Variants in GHR observed in about 807,000 individuals in gnomAD.
GHR encodes the protein GH receptor.
GHR carries 35 observed loss-of-function variants against 67.1 expected under a neutral mutation model. That is an observed-to-expected ratio of 0.52 (90% CI 0.40 to 0.69). The LOEUF is 0.69. Among genes scored for constraint, GHR ranks in the 30% least tolerant of loss-of-function variants. GHR has a pLI of 0.00. For synonymous variants in GHR, 272 were observed against 269.1 expected (o/e 1.01, Z -0.10); for missense variants, 792 against 764.6 (o/e 1.04, Z -0.42).
At chr5:42,530,271 GAA>G (rs993049553) in intron 1 of GHR, among the ~76,000 whole-genome samples, 1 of 152,028 alleles carries the variant, frequency 6.6e-6, no homozygotes, top group African/African-American at 2.4e-5. Flanking sequence ...AAAATTCTGA[GAA>G]AGAAGAAAAA....
chr5:42,627,781 G>T (rs942681215), intron 2 of GHR, among the ~76,000 whole-genome samples: 3 of 152,216 alleles, frequency 2.0e-5, no homozygotes, highest in Admixed American at 6.5e-5. Flanking sequence ...TTTCAGCTTT[G>T]CAGTCCACGG....
chr5:42,541,025 T>G (rs1043312156), intron 1 of GHR, among the ~76,000 whole-genome samples: 3 of 151,736 alleles, frequency 2.0e-5, no homozygotes, highest in Non-Finnish European at 4.4e-5. Context: ...ACAAGCAATA[T>G]CTAGTTGAAT....
chr5:42,496,891 A>G (rs1288704613), intron 1 of GHR, among the ~76,000 whole-genome samples: 2 of 152,128 alleles, frequency 1.3e-5, no homozygotes, highest in Non-Finnish European at 2.9e-5. Flanking sequence ...GGAACTAGAC[A>G]CTCTGTTGGG....
At chr5:42,708,261 A>G (rs1038574458) in intron 6 of GHR, among the ~76,000 whole-genome samples, 7 of 152,140 alleles carry the variant, frequency 4.6e-5, no homozygotes, top group African/African-American at 1.4e-4. Context: ...CTCATTATTT[A>G]TCTGTGTGAG....
At chr5:42,687,880 C>A (rs924995167) in intron 3 of GHR, among the ~76,000 whole-genome samples, 3 of 152,104 alleles carry the variant, frequency 2.0e-5, no homozygotes, top group Admixed American at 6.5e-5. Context: ...GAAAAGAAAT[C>A]TCCAAAATGG....
chr5:42,440,816 C>T (rs1244759775), intron 1 of GHR, among the ~76,000 whole-genome samples: 3 of 152,140 alleles, frequency 2.0e-5, no homozygotes, highest in Admixed American at 6.5e-5. Context: ...GTTGACTGTA[C>T]TTAGTGCTGA....
intron 1 of GHR, among the ~76,000 whole-genome samples, chr5:42,485,767 T>C (rs1010530394): frequency 1.3e-5 from 2 of 152,220 alleles, no homozygotes; most frequent in African/African-American, 4.8e-5. Context: ...ATTATTACTG[T>C]GCATGGAGAT....
intron 2 of GHR, among the ~76,000 whole-genome samples, chr5:42,578,723 T>C (rs1056607728): frequency 6.6e-6 from 1 of 152,214 alleles, no homozygotes; most frequent in Non-Finnish European, 1.5e-5. Context: ...TTAAGGTTCA[T>C]AATTGTCATT....
intron 1 of GHR, among the ~76,000 whole-genome samples, chr5:42,475,666 G>A (rs1408884249): frequency 1.3e-5 from 2 of 151,856 alleles, no homozygotes; most frequent in Non-Finnish European, 2.9e-5. Context: ...TCTTCCACTG[G>A]GTGTAGGAAT....
intron 2 of GHR, among the ~76,000 whole-genome samples, chr5:42,596,125 T>C (rs1752058408): frequency 6.6e-6 from 1 of 152,198 alleles, no homozygotes; most frequent in Non-Finnish European, 1.5e-5. Flanking sequence ...TGAATGGCAG[T>C]CATTTTTTGT....
At chr5:42,540,471 A>G (rs1430347781) in intron 1 of GHR, among the ~76,000 whole-genome samples, 1 of 152,198 alleles carries the variant, frequency 6.6e-6, no homozygotes, top group East Asian at 1.9e-4. Flanking sequence ...ATCTAGGAAT[A>G]AGGATTGTCC....
At chr5:42,477,490 G>C (rs1397701155) in intron 1 of GHR, among the ~76,000 whole-genome samples, 2 of 152,172 alleles carry the variant, frequency 1.3e-5, no homozygotes, top group Non-Finnish European at 1.5e-5. Flanking sequence ...CTAGTTTACA[G>C]TCCCACCAAC....
chr5:42,698,270 T>C (rs977074890), intron 5 of GHR, among the ~76,000 whole-genome samples: 3 of 152,222 alleles, frequency 2.0e-5, no homozygotes, highest in Non-Finnish European at 4.4e-5. Flanking sequence ...ATGCCTGTAA[T>C]GGTGGTACCA....
At chr5:42,671,285 A>G (rs912707625) in intron 3 of GHR, among the ~76,000 whole-genome samples, 2 of 152,078 alleles carry the variant, frequency 1.3e-5, no homozygotes, top group Admixed American at 1.3e-4. Context: ...CACACAGGGG[A>G]AGCAGGAGTA....
In GHR at chr5:42,482,920, A is replaced by G. The variant is rs558178845; in HGVS notation, c.-12+58965A>G. Among the ~76,000 whole-genome samples the G allele has an allele frequency of 2.0e-4, 31 of 152,276 alleles. No homozygotes were observed. The South Asian group carries it at 6.0e-3, about 30-fold the overall frequency. On this transcript the variant is annotated intron_variant, in intron 1 of 9. Coordinates refer to ENST00000230882, the MANE Select transcript of GHR (RefSeq NM_000163.5). Reference sequence around the variant, plus strand: ...CCACTGTCTGGCACACCCCAGTGAGATGAACCCGGTACCTCAATTGGTAAT... The same window carrying G: ...CCACTGTCTGGCACACCCCAGTGAGGTGAACCCGGTACCTCAATTGGTAAT...
rs549852622 is a variant in GHR, at chr5:42,449,100, T to C, written c.-12+25145T>C. On this transcript the variant is annotated intron_variant, in intron 1 of 9. Transcript: ENST00000230882. ...CCAGATTTGTTCTTTTTGCTTAGTC[T>C]TGTTTTGGCTATGTGGGCTCTTTTT... Among the ~76,000 whole-genome samples the C allele has an allele frequency of 4.0e-4, 61 of 152,312 alleles. 1 individual carries two copies. The highest frequency in any genetic ancestry group is 1.4e-3 in the African/African-American group (60 of 41,584).
intron 1 of GHR, among the ~76,000 whole-genome samples, chr5:42,491,651 C>A (rs1746116939): frequency 1.3e-5 from 2 of 152,206 alleles, no homozygotes; most frequent in East Asian, 1.9e-4. Context: ...CTAGAACAGG[C>A]ATACCTTATT....
chr5:42,505,131 T>TC (rs898699873), intron 1 of GHR, among the ~76,000 whole-genome samples: 2 of 151,598 alleles, frequency 1.3e-5, no homozygotes, highest in African/African-American at 2.4e-5. Context: ...TGTTTTTTTT[T>TC]TTTTTTCTTT....
intron 1 of GHR, among the ~76,000 whole-genome samples, chr5:42,519,611 T>C (rs572719484): frequency 8.5e-5 from 13 of 152,330 alleles, no homozygotes; most frequent in Non-Finnish European, 1.8e-4. Context: ...GTTACCTTTC[T>C]CAACCACTTG....
Sources: gnomAD v4.1 joint callset for allele counts (sites outside exome capture counted in the v4.1 genomes callset) on GRCh38, gnomAD v4.1.1 for gene constraint, MANE v1.5 for transcripts, NCBI Gene and HGNC (gene_info 2026-07-23, HGNC 2026-07-21) for gene names.